PASD1: variants seen among roughly 807,000 people sequenced by gnomAD.
PASD1 encodes the protein circadian clock protein PASD1.
In PASD1, 13 loss-of-function variants were observed where a neutral mutation model predicts 58.8. The observed-to-expected ratio is 0.22, with a 90% CI of 0.14 to 0.35. The LOEUF (loss-of-function observed/expected upper bound fraction) is 0.35, where lower values mean the gene tolerates loss of function less well. Ranked by LOEUF, PASD1 falls within the 10% of genes least tolerant of loss-of-function variation. The pLI, the probability that PASD1 is intolerant of heterozygous loss-of-function variation, is 1.00. For synonymous variants in PASD1, 236 were observed against 216.7 expected, an observed-to-expected ratio of 1.09 and a Z score of -0.78; for missense variants, 734 against 568.3, an observed-to-expected ratio of 1.29 and a Z score of -2.96.
chrX:151,586,572 C>T (rs1418651375), intron 1 of PASD1, among the ~76,000 whole-genome samples: 1 of 111,237 alleles, frequency 9.0e-6, no homozygotes, highest in Non-Finnish European at 1.9e-5. Context: ...ATACACAGGA[C>T]CTAGTATGTA....
chrX:151,615,127 C>G (rs746225669), intron 4 of PASD1, among the ~76,000 whole-genome samples: 1 of 111,837 alleles, frequency 8.9e-6, no homozygotes, highest in South Asian at 3.8e-4. Context: ...CTTGTGGCAT[C>G]AGATATTGCT....
intron 1 of PASD1, among the ~76,000 whole-genome samples, chrX:151,565,680 G>GC (rs1375487409): frequency 9.3e-6 from 1 of 106,978 alleles, no homozygotes; most frequent in Non-Finnish European, 1.9e-5. Context: ...GCCTCAGCCT[G>GC]CCAAGTAGCT....
chrX:151,615,563 G>A (rs759837123), intron 4 of PASD1, among the ~76,000 whole-genome samples: 121 of 111,838 alleles, frequency 1.1e-3, no homozygotes, highest in Non-Finnish European at 2.1e-3. Flanking sequence ...TTTCAAAACA[G>A]GCAATCTTTT....
intron 1 of PASD1, among the ~76,000 whole-genome samples, chrX:151,569,953 A>G (rs904761384): frequency 1.8e-4 from 20 of 111,486 alleles, no homozygotes; most frequent in Non-Finnish European, 1.7e-4. Context: ...CTTTTATGTG[A>G]TATTGATACT....
intron 3 of PASD1, among the ~76,000 whole-genome samples, chrX:151,608,666 A>C (rs928434138): frequency 9.0e-6 from 1 of 111,482 alleles, no homozygotes; most frequent in African/African-American, 3.2e-5. Flanking sequence ...TAATGTGTTC[A>C]TACTTTTTGA....
intron 3 of PASD1, among the ~76,000 whole-genome samples, chrX:151,608,796 C>T (rs1413201424): frequency 9.0e-6 from 1 of 111,365 alleles, no homozygotes; most frequent in Non-Finnish European, 1.9e-5. Context: ...CTTCCCAAGT[C>T]ACTTTTTGCA....
Position 151,601,476 on chromosome X carries a change from A to T in PASD1, c.-27-51A>T, listed in dbSNP as rs1288390943. ...TGATTAGTCTTATTGCTTTACTGTGATTCACCATAGACTGATCTCTTAGTA... is the reference window on the plus strand; with the variant it reads ...TGATTAGTCTTATTGCTTTACTGTGTTTCACCATAGACTGATCTCTTAGTA... On this transcript the variant is annotated intron_variant, in intron 1 of 15. Transcript: ENST00000370357. The T allele has an allele frequency of 3.1e-6, 3 of 982,376 alleles. No individual in the cohort carries two copies. The East Asian group carries it at 9.2e-5, about 30-fold the overall frequency. The allele number at this position is 982,376 out of a possible 1,213,427, so 81.0% of individuals were successfully genotyped here.
intron 11 of PASD1, among the ~76,000 whole-genome samples, chrX:151,670,184 C>T (rs1263686917): frequency 8.9e-6 from 1 of 111,917 alleles, no homozygotes; most frequent in Non-Finnish European, 1.9e-5. Context: ...CTCCACGCTT[C>T]GTTTCTCCCA....
chrX:151,664,180 A>G lies in PASD1; in HGVS notation c.903A>G (p.Pro301=), dbSNP rs139766538. Residue 301 remains proline, a synonymous_variant, in exon 11 of 16, where the codon CCA becomes CCG. Coordinates refer to ENST00000370357, the MANE Select transcript of PASD1 (RefSeq NM_173493.3). ...PEVNPLYRAD[P]VDLEFSVDQV... ...TGAATCCATTGTACAGGGCAGACCCAGTGGACCTGGAGTTCTCGGTGGATC... is the reference window on the plus strand; with the variant it reads ...TGAATCCATTGTACAGGGCAGACCCGGTGGACCTGGAGTTCTCGGTGGATC... 1.7e-6 allele frequency: 2 copies of G among 1,209,846 alleles called. No homozygotes were observed. The highest frequency in any genetic ancestry group is 2.2e-5 in the Admixed American group (1 of 45,760).
chrX:151,676,181 G>A lies in PASD1; in HGVS notation c.*38G>A, dbSNP rs757844931. On this transcript the variant is annotated 3_prime_UTR_variant, in exon 16 of 16. Coordinates refer to ENST00000370357, the MANE Select transcript of PASD1 (RefSeq NM_173493.3). ...GACCAGTGATGAGGGGAAATGGGGGGAGGGGGCAGGCCAATGAGGTCTGCA... is the reference window on the plus strand; with the variant it reads ...GACCAGTGATGAGGGGAAATGGGGGAAGGGGGCAGGCCAATGAGGTCTGCA... 21 of 1,183,008 alleles carry A rather than the reference G, an allele frequency of 1.8e-5. No individual in the cohort carries two copies. The highest frequency in any genetic ancestry group is 4.5e-5 in the Admixed American group (2 of 44,359).
At chrX:151,593,389 TC>T in intron 1 of PASD1, among the ~76,000 whole-genome samples, 1 of 99,286 alleles carries the variant, frequency 1.0e-5, no homozygotes, top group East Asian at 3.3e-4. Context: ...ATGCTATCCC[TC>T]CCCCAACCCC....
intron 11 of PASD1, among the ~76,000 whole-genome samples, chrX:151,667,411 T>C (rs1283222453): frequency 9.0e-6 from 1 of 111,694 alleles, no homozygotes; most frequent in Non-Finnish European, 1.9e-5. Context: ...CAATTTTGGC[T>C]TTTGTTGCCA....
chrX:151,579,851 T>C (rs916912635), intron 1 of PASD1, among the ~76,000 whole-genome samples: 4 of 111,860 alleles, frequency 3.6e-5, no homozygotes, highest in African/African-American at 6.5e-5. Flanking sequence ...TATTGAAATA[T>C]AATGGGTGAA....
intron 9 of PASD1, among the ~76,000 whole-genome samples, chrX:151,650,674 C>T (rs1474068093): frequency 9.0e-6 from 1 of 111,409 alleles, no homozygotes; most frequent in African/African-American, 3.3e-5. Context: ...CTACCTGAAA[C>T]GGGCAAAAAT....
intron 1 of PASD1, among the ~76,000 whole-genome samples, chrX:151,597,655 CCTAT>C (rs2013337778): frequency 9.0e-6 from 1 of 110,587 alleles, no homozygotes; most frequent in African/African-American, 3.3e-5. Flanking sequence ...ATTTTCTGGT[CCTAT>C]CTATTATTTT....
chrX:151,573,173 C>T (rs1230351564), intron 1 of PASD1, among the ~76,000 whole-genome samples: 2 of 107,915 alleles, frequency 1.9e-5, no homozygotes, highest in African/African-American at 6.8e-5. Context: ...AACTCACTCA[C>T]TATGGAGAAG....
At position 151,633,242 on chromosome X, in the gene PASD1, G is replaced by C. The variant is rs192001859; in HGVS notation, c.629+7712G>C. Among the ~76,000 whole-genome samples, 625 of 111,309 alleles carry C rather than the reference G, an allele frequency of 5.6e-3. 3 individuals are homozygous for C. Among genetic ancestry groups the C allele is most frequent in the South Asian group, 0.013 (34 of 2,553 alleles). ...TGTCTCCTTGCAGGGTGAAGTGGGTGCGGCCCAACTTTGAATATGATGAAA... is the reference window on the plus strand; with the variant it reads ...TGTCTCCTTGCAGGGTGAAGTGGGTCCGGCCCAACTTTGAATATGATGAAA... On this transcript the variant is annotated intron_variant, in intron 8 of 15. Coordinates refer to ENST00000370357, the MANE Select transcript of PASD1 (RefSeq NM_173493.3).
intron 3 of PASD1, among the ~76,000 whole-genome samples, chrX:151,607,407 G>A (rs188662212): frequency 1.8e-5 from 2 of 111,796 alleles, no homozygotes; most frequent in African/African-American, 6.5e-5. Context: ...ATGCTCCTTA[G>A]GAAGTAGAGG....
chrX:151,621,622 G>C (rs1179610810), intron 6 of PASD1, 30 bp downstream of exon 6: 24 of 1,024,314 alleles, frequency 2.3e-5, no homozygotes, highest in Admixed American at 7.3e-5. Flanking sequence ...TTATCTATAT[G>C]ACATTTATGA....
Sources: gnomAD v4.1 joint callset for allele counts (sites outside exome capture counted in the v4.1 genomes callset) on GRCh38, gnomAD v4.1.1 for gene constraint, MANE v1.5 for transcripts, NCBI Gene and HGNC (gene_info 2026-07-23, HGNC 2026-07-21) for gene names.